ENTREP2: variants seen among roughly 807,000 people sequenced by gnomAD.
ENTREP2 encodes the protein protein ENTREP2.
the ENTREP2 span, among the ~76,000 whole-genome samples, chr15:29,628,876 A>G: frequency 6.6e-6 from 1 of 152,034 alleles, no homozygotes; most frequent in East Asian, 1.9e-4. Context: ...CAGCCTCCCA[A>G]GTAGCTGGGA....
At chr15:29,286,002 AT>A in the ENTREP2 span, among the ~76,000 whole-genome samples, 3 of 152,276 alleles carry the variant, frequency 2.0e-5, no homozygotes, top group African/African-American at 4.8e-5. Context: ...TTTATTCATG[AT>A]TTTTTTTAAA....
chr15:29,511,804 C>A, the ENTREP2 span, among the ~76,000 whole-genome samples: 2 of 147,048 alleles, frequency 1.4e-5, no homozygotes, highest in African/African-American at 5.1e-5. Context: ...AACCCCTTAC[C>A]CCAGCATATC....
At chr15:29,520,788 A>G in the ENTREP2 span, among the ~76,000 whole-genome samples, 7 of 152,222 alleles carry the variant, frequency 4.6e-5, no homozygotes, top group Non-Finnish European at 7.3e-5. Context: ...GTAATCAGAA[A>G]GTTAAATTTA....
At chr15:29,376,412 G>C in the ENTREP2 span, 2 of 151,910 alleles carry the variant, frequency 1.3e-5, no homozygotes, top group African/African-American at 4.8e-5. Context: ...TTAATGTAAG[G>C]AAGACAATGA....
chr15:29,298,367 A>C, the ENTREP2 span, among the ~76,000 whole-genome samples: 1 of 152,164 alleles, frequency 6.6e-6, no homozygotes, highest in African/African-American at 2.4e-5. Context: ...AAAGAGAAAA[A>C]AAAGGAATAA....
the ENTREP2 span, among the ~76,000 whole-genome samples, chr15:29,489,878 G>A: frequency 6.6e-6 from 1 of 152,186 alleles, no homozygotes; most frequent in South Asian, 2.1e-4. Context: ...TCTCGAGATG[G>A]CTGATGCTTT....
chr15:29,396,165 T>C, the ENTREP2 span, among the ~76,000 whole-genome samples: 1 of 152,148 alleles, frequency 6.6e-6, no homozygotes, highest in African/African-American at 2.4e-5. Flanking sequence ...TACAGCACAT[T>C]ATTATTAAGT....
chr15:29,667,239 G>A, the ENTREP2 span, among the ~76,000 whole-genome samples: 2 of 150,732 alleles, frequency 1.3e-5, no homozygotes, highest in Non-Finnish European at 1.5e-5. Flanking sequence ...CCAGGCTGGA[G>A]TGCAGTGGCG....
the ENTREP2 span, among the ~76,000 whole-genome samples, chr15:29,207,205 G>A: frequency 1.3e-5 from 2 of 152,082 alleles, no homozygotes; most frequent in African/African-American, 4.8e-5. Flanking sequence ...CCCATTATTG[G>A]GGTGTTTCCC....
At chr15:29,551,253 T>C in the ENTREP2 span, among the ~76,000 whole-genome samples, 1 of 152,016 alleles carries the variant, frequency 6.6e-6, no homozygotes, top group Non-Finnish European at 1.5e-5. Context: ...CAGTGTGACG[T>C]AGTGGGCACA....
the ENTREP2 span, among the ~76,000 whole-genome samples, chr15:29,168,457 T>C: frequency 1.3e-5 from 2 of 152,228 alleles, no homozygotes; most frequent in African/African-American, 4.8e-5. Context: ...AATCTGTAAT[T>C]TAAATTTTCC....
chr15:29,214,309 A>T, the ENTREP2 span, among the ~76,000 whole-genome samples: 40 of 152,362 alleles, frequency 2.6e-4, no homozygotes, highest in African/African-American at 9.6e-4. Context: ...ACAATGACAG[A>T]CTGGATTAAG....
the ENTREP2 span, among the ~76,000 whole-genome samples, chr15:29,475,705 G>A: frequency 6.6e-6 from 1 of 152,292 alleles, no homozygotes. Context: ...ATCCCGCAGA[G>A]GGGACATGAG....
the ENTREP2 span, among the ~76,000 whole-genome samples, chr15:29,342,361 G>T: frequency 6.6e-6 from 1 of 152,328 alleles, no homozygotes; most frequent in East Asian, 1.9e-4. Context: ...AACAACTGCA[G>T]ATTTCCCATC....
At chr15:29,231,908 T>TTTTTTTTTTTC in the ENTREP2 span, among the ~76,000 whole-genome samples, 1 of 149,864 alleles carries the variant, frequency 6.7e-6, no homozygotes, top group Admixed American at 6.7e-5. Context: ...TTTTTTTTTT[T>TTTTTTTTTTTC]GAGACGGAGT....
chr15:29,226,692 A>G, the ENTREP2 span, among the ~76,000 whole-genome samples: 1 of 152,172 alleles, frequency 6.6e-6, no homozygotes, highest in African/African-American at 2.4e-5. Flanking sequence ...TGGCGACATA[A>G]TTGGTGTTGG....
chr15:29,266,230 C>G, the ENTREP2 span: 2 of 152,124 alleles, frequency 1.3e-5, no homozygotes, highest in East Asian at 1.9e-4. Context: ...TAAGTTAATA[C>G]CGTAATAAAT....
At chr15:29,429,884 A>G in the ENTREP2 span, among the ~76,000 whole-genome samples, 21,999 of 152,182 alleles carry the variant, frequency 0.14, 1,913 homozygotes, top group East Asian at 0.32. Context: ...ACCAAAAGGC[A>G]CTCCTAGCGA....
the ENTREP2 span, among the ~76,000 whole-genome samples, chr15:29,199,001 G>A: frequency 2.3e-4 from 35 of 152,210 alleles, no homozygotes; most frequent in Admixed American, 1.8e-3. Flanking sequence ...CTCTTGTCAC[G>A]GGACGTTTGG....
Sources: allele counts gnomAD v4.1 joint callset (sites outside exome capture counted in the v4.1 genomes callset), GRCh38; gene constraint gnomAD v4.1.1; transcripts MANE v1.5; gene names NCBI Gene and HGNC (gene_info 2026-07-23, HGNC 2026-07-21).